The following GABRA5 variants were observed in gnomAD, a reference collection of about 807,000 sequenced individuals.
GABRA5 encodes gamma-aminobutyric acid type A receptor subunit alpha5.
GABRA5 carries 18 observed loss-of-function variants against 47.3 expected under a neutral mutation model. The ratio of observed to expected loss-of-function variants is 0.38; its 90% confidence interval spans 0.26 to 0.56. GABRA5 has a LOEUF of 0.56. Ranked by LOEUF, GABRA5 falls within the 20% of genes least tolerant of loss-of-function variation. The pLI, the probability that GABRA5 is intolerant of heterozygous loss-of-function variation, is 0.71. For missense variants in GABRA5, 365 were observed against 599.3 expected (o/e 0.61, Z 4.08); for synonymous variants, 237 against 229.3 (o/e 1.03, Z -0.30).
chr15:26,937,267 A>G lies in GABRA5; in HGVS notation c.663A>G (p.Arg221=). Residue 221 remains arginine (R), a synonymous_variant, in exon 8 of 11, where the codon AGA becomes AGG. Coordinates refer to ENST00000335625, the MANE Select transcript of GABRA5 (RefSeq NM_000810.4). ...KSVVVAEDGS[R]LNQYHLMGQT... is the part of the protein sequence containing the mutation. Reference sequence around the variant, plus strand: ...TGGTGGTGGCGGAAGATGGCTCCAGACTGAACCAGTACCACCTGATGGGGC... The same window carrying G: ...TGGTGGTGGCGGAAGATGGCTCCAGGCTGAACCAGTACCACCTGATGGGGC... 1.2e-6 allele frequency: 2 copies of G among 1,613,958 alleles called. No homozygotes were observed. Among genetic ancestry groups the G allele is most frequent in the East Asian group, 4.5e-5 (2 of 44,856 alleles).
At position 26,901,478 on chromosome 15, in the gene GABRA5, A is replaced by T. The variant is rs1893325637; in HGVS notation, c.498-13325A>T. Among the ~76,000 whole-genome samples, 3 of 152,058 alleles carry T rather than the reference A, an allele frequency of 2.0e-5. No homozygotes were observed. In the South Asian group the frequency reaches 6.2e-4, roughly 32 times the overall value. On this transcript the variant is annotated intron_variant, in intron 6 of 10. Transcript: ENST00000335625. ...TGTCTTTTTTAGTAAGATGTTTGTT[A>T]AGGTCTTTTATCATTTTTTAATTGG...
At chr15:26,923,112 T>G (rs1017550428) in intron 7 of GABRA5, among the ~76,000 whole-genome samples, 14 of 152,228 alleles carry the variant, frequency 9.2e-5, no homozygotes, top group Non-Finnish European at 1.8e-4. Context: ...AATTTTTGCT[T>G]GAACCATCAA....
chr15:26,873,666 A>C (rs1400054182), intron 3 of GABRA5, among the ~76,000 whole-genome samples: 1 of 152,204 alleles, frequency 6.6e-6, no homozygotes, highest in African/African-American at 2.4e-5. Context: ...GCAGGTACTC[A>C]TGATATCTTT....
intron 6 of GABRA5, among the ~76,000 whole-genome samples, chr15:26,897,064 CAACACATTTAT>C (rs754819572): frequency 5.9e-4 from 89 of 151,936 alleles, no homozygotes; most frequent in Non-Finnish European, 1.1e-3. Context: ...AACACATTTA[CAACACATTTAT>C]GACAGCACCT....
chr15:26,900,812 A>C (rs1893309538), intron 6 of GABRA5, among the ~76,000 whole-genome samples: 1 of 152,140 alleles, frequency 6.6e-6, no homozygotes, highest in African/African-American at 2.4e-5. Context: ...ACGATATCAC[A>C]GGAGTATTTT....
rs756143877 is a variant in GABRA5, at chr15:26,883,567, G to A, written c.497+10G>A. ...TGCTCTACACCATGCGGTGAGCGCC[G>A]GGCGGGGGCGGGCGGGGCCGGGGGA... On this transcript the variant is annotated intron_variant, in intron 6 of 10. Coordinates refer to ENST00000335625, the MANE Select transcript of GABRA5 (RefSeq NM_000810.4). The surrounding 1 kb of genome is among the most constrained non-coding windows in gnomAD (Gnocchi z 4.8). The A allele has an allele frequency of 4.6e-6, 7 of 1,524,466 alleles. No individual in the cohort carries two copies. The highest frequency in any genetic ancestry group is 2.4e-5 in the East Asian group (1 of 41,830). The allele number at this position is 1,524,466 out of a possible 1,614,324, so 94.4% of individuals were successfully genotyped here.
chr15:26,926,933 T>G (rs1893974551), intron 7 of GABRA5, among the ~76,000 whole-genome samples: 1 of 152,160 alleles, frequency 6.6e-6, no homozygotes, highest in African/African-American at 2.4e-5. Context: ...GTTAAATCAT[T>G]TATCACACTC....
At chr15:26,941,313 CG>C (rs942321317) in intron 9 of GABRA5, among the ~76,000 whole-genome samples, 15 of 151,658 alleles carry the variant, frequency 9.9e-5, no homozygotes, top group South Asian at 2.1e-4. Flanking sequence ...GGTTTTTTGG[CG>C]GGGGGTGGAG....
intron 3 of GABRA5, among the ~76,000 whole-genome samples, chr15:26,876,776 C>T (rs892946641): frequency 2.6e-5 from 4 of 152,192 alleles, no homozygotes; most frequent in East Asian, 1.9e-4. Flanking sequence ...TTTTAAAGAG[C>T]GGTGGTATTA....
At chr15:26,896,091 T>A (rs1328269592) in intron 6 of GABRA5, among the ~76,000 whole-genome samples, 1 of 152,200 alleles carries the variant, frequency 6.6e-6, no homozygotes, top group Non-Finnish European at 1.5e-5. Context: ...GGGCAACCGC[T>A]GACCGCTCCT....
chr15:26,934,429 G>A (rs541188346), intron 7 of GABRA5, among the ~76,000 whole-genome samples: 2 of 152,228 alleles, frequency 1.3e-5, no homozygotes, highest in East Asian at 1.9e-4. Flanking sequence ...TCACACAGTC[G>A]CCGGAGCTTA....
At chr15:26,926,405 G>C (rs1288264408) in intron 7 of GABRA5, among the ~76,000 whole-genome samples, 1 of 152,128 alleles carries the variant, frequency 6.6e-6, no homozygotes, top group African/African-American at 2.4e-5. Context: ...TGAGCCAAAA[G>C]TTAGGTTAGA....
At chr15:26,885,795 A>T (rs1226635437) in intron 6 of GABRA5, among the ~76,000 whole-genome samples, 1 of 152,008 alleles carries the variant, frequency 6.6e-6, no homozygotes, top group East Asian at 1.9e-4. Flanking sequence ...AGGTGTGGAG[A>T]CAGAGGCCGA....
chr15:26,881,125 CCCTTTGTTATTGTCTAGACGCAAGAT>C (rs1352529913), intron 4 of GABRA5, among the ~76,000 whole-genome samples, 158 bp downstream of exon 4: 11 of 152,228 alleles, frequency 7.2e-5, no homozygotes, highest in East Asian at 3.9e-4. Context: ...GAATCATGCA[CCCTTTGTTATTGTCTAGACGCAAGAT>C]CCTTTGTTAT....
At chr15:26,919,877 A>AAG (rs1372767166) in intron 7 of GABRA5, among the ~76,000 whole-genome samples, 1 of 151,948 alleles carries the variant, frequency 6.6e-6, no homozygotes, top group Non-Finnish European at 1.5e-5. Context: ...TTTTTGAAGG[A>AAG]GAGTTCTGCC....
intron 7 of GABRA5, among the ~76,000 whole-genome samples, chr15:26,934,043 A>G (rs993261644): frequency 5.9e-5 from 9 of 152,018 alleles, no homozygotes; most frequent in Non-Finnish European, 8.8e-5. Context: ...GCTTGAGGCC[A>G]GGACTTCAAG....
At chr15:26,875,042 A>C (rs550547976) in intron 3 of GABRA5, among the ~76,000 whole-genome samples, 82 of 152,286 alleles carry the variant, frequency 5.4e-4, no homozygotes, top group Admixed American at 1.1e-3. Context: ...ATGTGGGATT[A>C]ATCATGGGTC....
chr15:26,870,636 C>T (rs1892445098), intron 3 of GABRA5, among the ~76,000 whole-genome samples: 1 of 151,994 alleles, frequency 6.6e-6, no homozygotes, highest in African/African-American at 2.4e-5. Context: ...GGATGCCTCC[C>T]TTCCCATGCC....
chr15:26,868,704 C>A (rs1478528251), intron 1 of GABRA5, 25 bp from the exon 2 acceptor site: 1 of 153,206 alleles, frequency 6.5e-6, no homozygotes, highest in Non-Finnish European at 1.5e-5. Flanking sequence ...TGCTTTTCCC[C>A]ACTTCTTTCC....
Sources: allele counts gnomAD v4.1 joint callset (sites outside exome capture counted in the v4.1 genomes callset), GRCh38; gene constraint gnomAD v4.1.1; non-coding constraint Gnocchi (gnomAD v3.1); transcripts MANE v1.5; gene names NCBI Gene and HGNC (gene_info 2026-07-23, HGNC 2026-07-21).